Variants in CPE observed in about 807,000 individuals in gnomAD.
CPE encodes the protein carbocypeptidase E.
In CPE, 17 loss-of-function variants were observed where a neutral mutation model predicts 53.5. The ratio of observed to expected loss-of-function variants is 0.32; its 90% CI spans 0.22 to 0.48. The LOEUF is 0.48. CPE is among the 20% of genes least tolerant of loss of function. The pLI is 0.99. For missense variants in CPE, 524 were observed against 614.7 expected (o/e 0.85, Z 1.56); for synonymous variants, 226 against 228.8 (o/e 0.99, Z 0.11).
intron 1 of CPE, among the ~76,000 whole-genome samples, chr4:165,391,824 T>A (rs1176603384): frequency 2.0e-5 from 3 of 152,080 alleles, no homozygotes; most frequent in Non-Finnish European, 4.4e-5. Flanking sequence ...TTGACTCTAA[T>A]TCTTCAGGGA....
At chr4:165,440,577 A>G (rs1731592070) in intron 1 of CPE, among the ~76,000 whole-genome samples, 1 of 152,060 alleles carries the variant, frequency 6.6e-6, no homozygotes, top group Non-Finnish European at 1.5e-5. Flanking sequence ...GCAAACTTCT[A>G]TAATAATTTA....
intron 1 of CPE, among the ~76,000 whole-genome samples, chr4:165,456,739 AT>A (rs35855408): frequency 0.018 from 1,830 of 101,142 alleles, 18 homozygotes; most frequent in South Asian, 0.048. Context: ...TGCCCAGCTA[AT>A]TTTTTTTTTT....
Position 165,497,671 on chromosome 4 carries a change from C to CT in CPE, c.*69dup, listed in dbSNP as rs890628729. The CT allele has an allele frequency of 1.5e-4, 132 of 893,542 alleles. No homozygotes were observed. Among genetic ancestry groups the CT allele is most frequent in the African/African-American group, 1.1e-3 (64 of 58,048 alleles). The allele number at this position is 893,542 out of a possible 1,614,324, so 55.4% of individuals were successfully genotyped here. On this transcript the variant is annotated 3_prime_UTR_variant, in exon 9 of 9. Transcript: ENST00000402744. ...ATAATGTAGTATGATGTAATGTGGT[C>CT]TTTTTTTTAGATTTTGTGCAGTTAA...
At chr4:165,427,804 T>A (rs1401872130) in intron 1 of CPE, among the ~76,000 whole-genome samples, 3 of 152,206 alleles carry the variant, frequency 2.0e-5, no homozygotes, top group African/African-American at 7.2e-5. Flanking sequence ...ATTTAGAATC[T>A]CTGTGAATCT....
At chr4:165,385,577 G>A (rs1363496789) in intron 1 of CPE, among the ~76,000 whole-genome samples, 1 of 151,374 alleles carries the variant, frequency 6.6e-6, no homozygotes, top group Non-Finnish European at 1.5e-5. Flanking sequence ...TGAATAGCTG[G>A]ACTACAGATG....
At chr4:165,412,130 A>G (rs1340289000) in intron 1 of CPE, among the ~76,000 whole-genome samples, 3 of 152,214 alleles carry the variant, frequency 2.0e-5, no homozygotes, top group Non-Finnish European at 4.4e-5. Context: ...GGGGTTTACA[A>G]CTGTGTTAAA....
rs148645799 is a variant in CPE, at chr4:165,449,386, G to T, written c.308-15004G>T. Among the ~76,000 whole-genome samples the T allele has an allele frequency of 1.7e-3, 266 of 152,266 alleles. 1 individual carries two copies. The highest frequency in any genetic ancestry group is 3.4e-3 in the Middle Eastern group (1 of 294). On this transcript the variant is annotated intron_variant, in intron 1 of 8. Coordinates refer to ENST00000402744, the MANE Select transcript of CPE (RefSeq NM_001873.4). ...TTATAATTTGCTTTCTTGAATCCCG[G>T]TTTATTTTAGGAGGGGCCTAATTTT...
At chr4:165,429,813 A>G (rs529609468) in intron 1 of CPE, among the ~76,000 whole-genome samples, 1 of 152,200 alleles carries the variant, frequency 6.6e-6, no homozygotes, top group East Asian at 1.9e-4. Context: ...ACCAAGACTG[A>G]TTATAAGAAA....
chr4:165,417,092 G>A (rs1312619982), intron 1 of CPE, among the ~76,000 whole-genome samples: 1 of 152,126 alleles, frequency 6.6e-6, no homozygotes, highest in African/African-American at 2.4e-5. Context: ...CAGAAAGAAA[G>A]AGCCATTTTC....
Position 165,484,623 on chromosome 4 carries a change from C to G in CPE, c.973+19C>G, listed in dbSNP as rs754719840. On this transcript the variant is annotated intron_variant, in intron 5 of 8. Coordinates refer to ENST00000402744, the MANE Select transcript of CPE (RefSeq NM_001873.4). ...CCTGGAGGTGAGTTTCCATTGTGCT[C>G]TCTGATTATGTGATTGTAGCTTATT... 3.7e-6 allele frequency: 6 copies of G among 1,608,252 alleles called. No homozygotes were observed. The highest frequency in any genetic ancestry group is 4.3e-6 in the Non-Finnish European group (5 of 1,176,162).
rs559426690 is a variant in CPE, at chr4:165,477,186, G to C, written c.673-5056G>C. On this transcript the variant is annotated intron_variant, in intron 3 of 8. Transcript: ENST00000402744. ...CTAGCCAGCACTACCTTCTTCTCCAGCTGAACCTGAATATTTGCATAATCT... is the reference window on the plus strand; with the variant it reads ...CTAGCCAGCACTACCTTCTTCTCCACCTGAACCTGAATATTTGCATAATCT... 8.6e-3 allele frequency among the ~76,000 whole-genome samples: 1,296 copies of C among 151,140 alleles called. 18 individuals carry two copies. The highest frequency in any genetic ancestry group is 0.03 in the African/African-American group (1,243 of 41,092).
chr4:165,457,651 T>C (rs1731923895), intron 1 of CPE, among the ~76,000 whole-genome samples: 1 of 152,234 alleles, frequency 6.6e-6, no homozygotes, highest in African/African-American at 2.4e-5. Context: ...ATATTCCATC[T>C]TGACTGCCCA....
At chr4:165,463,829 T>C (rs1160410309) in intron 1 of CPE, among the ~76,000 whole-genome samples, 5 of 152,262 alleles carry the variant, frequency 3.3e-5, no homozygotes, top group African/African-American at 1.2e-4. Flanking sequence ...GGTGAGATGG[T>C]ATATTAGTCT....
At chr4:165,393,747 A>G (rs1021399928) in intron 1 of CPE, among the ~76,000 whole-genome samples, 23 of 152,272 alleles carry the variant, frequency 1.5e-4, no homozygotes, top group African/African-American at 5.5e-4. Flanking sequence ...GTAACTTATC[A>G]GTTATGTTTT....
chr4:165,455,619 T>G (rs1231585172), intron 1 of CPE, among the ~76,000 whole-genome samples: 3 of 152,108 alleles, frequency 2.0e-5, no homozygotes, highest in Non-Finnish European at 4.4e-5. Flanking sequence ...AACTTCTCTG[T>G]GCTCACTTAA....
At chr4:165,420,084 A>C (rs774710974) in intron 1 of CPE, among the ~76,000 whole-genome samples, 2 of 151,988 alleles carry the variant, frequency 1.3e-5, no homozygotes, top group Non-Finnish European at 2.9e-5. Flanking sequence ...TGACTGTCTT[A>C]ATATCTCAAA....
Position 165,451,479 on chromosome 4 carries a change from A to ATTATTAT in CPE, c.308-12906_308-12905insATTTATT, listed in dbSNP as rs1553975746. Among the ~76,000 whole-genome samples, 31 of 150,462 alleles carry ATTATTAT rather than the reference A, an allele frequency of 2.1e-4. No individual in the cohort carries two copies. The East Asian group carries it at 5.7e-3, about 28-fold the overall frequency. ...ACAACTCAGCAGAAGAGGTTTTATT[A>ATTATTAT]TTATTTATTTATTTATTTATTTATT... On this transcript the variant is annotated intron_variant, in intron 1 of 8. Transcript: ENST00000402744.
intron 1 of CPE, among the ~76,000 whole-genome samples, chr4:165,411,102 TA>T (rs1412777714): frequency 6.6e-6 from 1 of 152,200 alleles, no homozygotes; most frequent in Non-Finnish European, 1.5e-5. Flanking sequence ...TGACTTAAGA[TA>T]AAAATCTCAT....
Position 165,467,826 on chromosome 4 carries a change from A to G in CPE, c.643A>G (p.Met215Val), listed in dbSNP as rs753112662. ...GGPNNHLLKN[M>V]KKIVDQNTKL... ...TCCAAATAATCATCTGTTGAAAAAT[A>G]TGAAGAAAATTGTGGATCAAAACAC... The change falls in exon 3 of 9, where the codon ATG (methionine) becomes GTG (valine). Residue 215 changes from methionine (M) to valine (V), a missense_variant. Physicochemically the swap from Met to Val is conservative, Grantham distance 21 (BLOSUM62 1). Coordinates refer to ENST00000402744, the MANE Select transcript of CPE (RefSeq NM_001873.4). 5 of 1,613,812 alleles carry G rather than the reference A, an allele frequency of 3.1e-6. No individual in the cohort carries two copies. The highest frequency in any genetic ancestry group is 3.3e-5 in the Admixed American group (2 of 59,988).
Sources: allele counts gnomAD v4.1 joint callset (sites outside exome capture counted in the v4.1 genomes callset), GRCh38; gene constraint gnomAD v4.1.1; transcripts MANE v1.5; gene names NCBI Gene and HGNC (gene_info 2026-07-23, HGNC 2026-07-21).